B3GALT1: variants seen among roughly 807,000 people sequenced by gnomAD.
B3GALT1 encodes the protein beta-1,3-galactosyltransferase 1.
In B3GALT1, 10 loss-of-function variants were observed where a neutral mutation model predicts 23.2. The ratio of observed to expected loss-of-function variants is 0.43; its 90% CI spans 0.27 to 0.73. The LOEUF is 0.73. Among genes scored for constraint, B3GALT1 ranks in the 30% least tolerant of loss-of-function variants. The pLI is 0.21. For synonymous variants in B3GALT1, 156 were observed against 141.5 expected, an observed-to-expected ratio of 1.10 and a Z score of -0.73; for missense variants, 299 against 405.4, an observed-to-expected ratio of 0.74 and a Z score of 2.25.
chr2:167,532,516 ATTTC>A (rs1282533747), intron 2 of B3GALT1, among the ~76,000 whole-genome samples: 1 of 152,046 alleles, frequency 6.6e-6, no homozygotes, highest in Non-Finnish European at 1.5e-5. Flanking sequence ...ACTTTCATAT[ATTTC>A]TTTACTTCAC....
intron 1 of B3GALT1, among the ~76,000 whole-genome samples, chr2:167,447,428 AC>A (rs946064783): frequency 1.3e-5 from 2 of 152,128 alleles, no homozygotes; most frequent in Admixed American, 6.5e-5. Flanking sequence ...AGTTTCTGCT[AC>A]CTTTTGTTCA....
chr2:167,572,747 T>G (rs1229072019), intron 2 of B3GALT1, among the ~76,000 whole-genome samples: 27 of 151,644 alleles, frequency 1.8e-4, no homozygotes, highest in Admixed American at 1.7e-3. Flanking sequence ...CCTAGCTCAC[T>G]TTACAAAAAA....
intron 2 of B3GALT1, among the ~76,000 whole-genome samples, chr2:167,628,176 T>C (rs1304283385): frequency 6.6e-6 from 1 of 151,744 alleles, no homozygotes; most frequent in Non-Finnish European, 1.5e-5. Context: ...TTCTTAACAG[T>C]GTACATTGTG....
intron 1 of B3GALT1, among the ~76,000 whole-genome samples, chr2:167,482,274 C>T (rs924580968): frequency 2.0e-5 from 3 of 152,018 alleles, no homozygotes; most frequent in East Asian, 3.9e-4. Context: ...TTTGGCTACA[C>T]GGGGGCTTTC....
intron 2 of B3GALT1, among the ~76,000 whole-genome samples, chr2:167,635,678 AC>A (rs1196272244): frequency 2.0e-5 from 3 of 151,920 alleles, no homozygotes. Context: ...ACAAACCACT[AC>A]TCAAGGAAAT....
At chr2:167,768,435 G>T (rs1372711247) in intron 3 of B3GALT1, among the ~76,000 whole-genome samples, 1 of 151,910 alleles carries the variant, frequency 6.6e-6, no homozygotes, top group African/African-American at 2.4e-5. Context: ...AAAAATGGTA[G>T]GCCAAAAAAC....
chr2:167,734,274 T>G (rs1002737023), intron 3 of B3GALT1, among the ~76,000 whole-genome samples: 4 of 152,130 alleles, frequency 2.6e-5, no homozygotes, highest in African/African-American at 9.7e-5. Flanking sequence ...GTCTAGTCAC[T>G]ATTCACCCAA....
chr2:167,608,667 G>A (rs1685008620), intron 2 of B3GALT1, among the ~76,000 whole-genome samples: 1 of 152,108 alleles, frequency 6.6e-6, no homozygotes, highest in Admixed American at 6.6e-5. Flanking sequence ...AGGTACATAT[G>A]GACTTTTGTT....
chr2:167,553,001 C>T (rs896540774), intron 2 of B3GALT1, among the ~76,000 whole-genome samples: 3 of 152,070 alleles, frequency 2.0e-5, no homozygotes, highest in Non-Finnish European at 4.4e-5. Flanking sequence ...TGTGTTGGTA[C>T]ACATCTTCGG....
At chr2:167,746,354 A>G (rs1283960220) in intron 3 of B3GALT1, among the ~76,000 whole-genome samples, 3 of 152,224 alleles carry the variant, frequency 2.0e-5, no homozygotes, top group Admixed American at 2.0e-4. Context: ...TAATGCAGTA[A>G]CATGCATTTG....
chr2:167,329,296 A>G (rs902966736), intron 1 of B3GALT1, among the ~76,000 whole-genome samples: 1 of 152,084 alleles, frequency 6.6e-6, no homozygotes, highest in African/African-American at 2.4e-5. Flanking sequence ...TTTAATATCC[A>G]TGTATTTGTA....
intron 3 of B3GALT1, among the ~76,000 whole-genome samples, chr2:167,726,260 C>A (rs1687313530): frequency 6.6e-6 from 1 of 152,132 alleles, no homozygotes; most frequent in Admixed American, 6.5e-5. Flanking sequence ...TGAAATGGAA[C>A]CTATGTTTTT....
At chr2:167,544,894 A>G (rs767500651) in intron 2 of B3GALT1, among the ~76,000 whole-genome samples, 3 of 152,110 alleles carry the variant, frequency 2.0e-5, no homozygotes, top group Non-Finnish European at 2.9e-5. Flanking sequence ...TTACAGCTCG[A>G]TTAGAGAAAC....
At chr2:167,720,770 C>G (rs1574230250) in intron 3 of B3GALT1, among the ~76,000 whole-genome samples, 1 of 152,166 alleles carries the variant, frequency 6.6e-6, no homozygotes, top group South Asian at 2.1e-4. Context: ...CACATTGATG[C>G]TCTTTGTAAC....
At chr2:167,662,643 C>A (rs1268347629) in intron 3 of B3GALT1, among the ~76,000 whole-genome samples, 1 of 152,098 alleles carries the variant, frequency 6.6e-6, no homozygotes, top group Non-Finnish European at 1.5e-5. Context: ...AACATCACAG[C>A]ATTATGTAAC....
At chr2:167,582,084 A>C (rs1012974857) in intron 2 of B3GALT1, among the ~76,000 whole-genome samples, 1 of 152,148 alleles carries the variant, frequency 6.6e-6, no homozygotes, top group African/African-American at 2.4e-5. Flanking sequence ...AACCAAGCCC[A>C]TGTTTTTTGG....
intron 1 of B3GALT1, among the ~76,000 whole-genome samples, chr2:167,344,682 G>T (rs1697201874): frequency 6.6e-6 from 1 of 152,146 alleles, no homozygotes; most frequent in South Asian, 2.1e-4. Flanking sequence ...TGTGAGCTCT[G>T]GTGTGGCAAG....
intron 1 of B3GALT1, among the ~76,000 whole-genome samples, chr2:167,462,723 TG>T (rs1176490012): frequency 6.6e-6 from 1 of 152,202 alleles, no homozygotes; most frequent in Non-Finnish European, 1.5e-5. Flanking sequence ...TTCTGTTGGC[TG>T]GATCACTTTC....
intron 2 of B3GALT1, among the ~76,000 whole-genome samples, chr2:167,646,460 C>A (rs1374640013): frequency 6.6e-6 from 1 of 152,170 alleles, no homozygotes; most frequent in Non-Finnish European, 1.5e-5. Context: ...ACCTCAGATC[C>A]TCTTTGTCCA....
Sources: gnomAD v4.1 joint callset for allele counts (sites outside exome capture counted in the v4.1 genomes callset) on GRCh38, gnomAD v4.1.1 for gene constraint, MANE v1.5 for transcripts, NCBI Gene and HGNC (gene_info 2026-07-23, HGNC 2026-07-21) for gene names.